SWT1: variants seen among roughly 807,000 people sequenced by gnomAD.
SWT1 encodes the protein transcriptional protein SWT1.
Under a neutral mutation model 107.3 loss-of-function variants are expected in SWT1, and 33 were observed. The observed-to-expected ratio is 0.31, with a 90% CI of 0.23 to 0.41. The LOEUF is 0.41. SWT1 is among the 10% of genes least tolerant of loss of function. The pLI is 1.00. For synonymous variants in SWT1, 345 were observed against 348.3 expected (o/e 0.99, Z 0.11); for missense variants, 898 against 1,028.9 (o/e 0.87, Z 1.74).
Position 185,251,774 on chromosome 1 carries a change from G to A in SWT1, c.2442-19549G>A, listed in dbSNP as rs188644009. On this transcript the variant is annotated intron_variant, in intron 16 of 18. Coordinates refer to ENST00000367500, the MANE Select transcript of SWT1 (RefSeq NM_017673.7). Reference sequence around the variant, plus strand: ...AGACAATTTGTTTTTTGCTTGATAAGTAAAACAATTTATATATATATATAT... The same window carrying A: ...AGACAATTTGTTTTTTGCTTGATAAATAAAACAATTTATATATATATATAT... Among the ~76,000 whole-genome samples, 139 of 150,902 alleles carry A rather than the reference G, an allele frequency of 9.2e-4. 3 individuals are homozygous for A. The highest frequency in any genetic ancestry group is 3.3e-3 in the African/African-American group (136 of 41,332).
intron 10 of SWT1, among the ~76,000 whole-genome samples, chr1:185,200,714 G>C (rs1036737280): frequency 5.3e-5 from 8 of 152,206 alleles, no homozygotes; most frequent in African/African-American, 1.9e-4. Context: ...CTCTTAGTTA[G>C]GGGGCACGAG....
chr1:185,222,259 C>G (rs960014688), intron 15 of SWT1, among the ~76,000 whole-genome samples: 1 of 151,910 alleles, frequency 6.6e-6, no homozygotes, highest in Non-Finnish European at 1.5e-5. Context: ...CAGGTTTATC[C>G]ACGTTGTCAC....
intron 16 of SWT1, among the ~76,000 whole-genome samples, chr1:185,233,162 A>G (rs771257895): frequency 1.3e-5 from 2 of 152,190 alleles, no homozygotes; most frequent in Non-Finnish European, 2.9e-5. Context: ...AAGGCTGAGC[A>G]TCACTGGCCC....
At chr1:185,194,255 C>T (rs936153731) in intron 10 of SWT1, among the ~76,000 whole-genome samples, 1 of 152,074 alleles carries the variant, frequency 6.6e-6, no homozygotes, top group Non-Finnish European at 1.5e-5. Flanking sequence ...TGTCTTTTAA[C>T]TGTTAAGTTT....
chr1:185,248,386 T>C (rs1312869351), intron 16 of SWT1, among the ~76,000 whole-genome samples: 1 of 152,212 alleles, frequency 6.6e-6, no homozygotes. Flanking sequence ...GATTTTATGA[T>C]CCAGGCCAAC....
intron 13 of SWT1, among the ~76,000 whole-genome samples, chr1:185,210,778 A>G (rs987652640): frequency 1.3e-5 from 2 of 152,160 alleles, no homozygotes; most frequent in South Asian, 4.1e-4. Flanking sequence ...AGATGACGTG[A>G]TCGATATTTG....
At chr1:185,208,609 C>A (rs372824576) in intron 13 of SWT1, among the ~76,000 whole-genome samples, 8 of 152,124 alleles carry the variant, frequency 5.3e-5, no homozygotes, top group African/African-American at 1.9e-4. Flanking sequence ...TCACATTGTA[C>A]TCCATAAATA....
intron 2 of SWT1, among the ~76,000 whole-genome samples, chr1:185,164,477 G>T (rs1467329998): frequency 6.6e-6 from 1 of 152,182 alleles, no homozygotes; most frequent in East Asian, 1.9e-4. Flanking sequence ...ATATAAGACT[G>T]TTTGTCTATG....
At chr1:185,165,474 T>G (rs1330196527) in intron 2 of SWT1, among the ~76,000 whole-genome samples, 2 of 152,230 alleles carry the variant, frequency 1.3e-5, no homozygotes, top group Non-Finnish European at 2.9e-5. Flanking sequence ...TCTCCTTTAC[T>G]GCTATGTCCA....
chr1:185,240,491 T>C (rs1445435160), intron 16 of SWT1, among the ~76,000 whole-genome samples: 1 of 152,054 alleles, frequency 6.6e-6, no homozygotes, highest in Non-Finnish European at 1.5e-5. Flanking sequence ...ATATCTCAAG[T>C]GTATATAGCT....
chr1:185,238,056 G>A (rs1012741197), intron 16 of SWT1, among the ~76,000 whole-genome samples: 2 of 151,520 alleles, frequency 1.3e-5, no homozygotes, highest in African/African-American at 2.4e-5. Context: ...GAGCAATCAC[G>A]GCTCACTGTA....
chr1:185,273,921 C>G (rs1406222592), intron 17 of SWT1, among the ~76,000 whole-genome samples: 1 of 151,990 alleles, frequency 6.6e-6, no homozygotes, highest in Non-Finnish European at 1.5e-5. Flanking sequence ...GGGAGGATCG[C>G]TTGAGGCCAG....
intron 16 of SWT1, chr1:185,257,939 G>A (rs992544912): frequency 6.6e-6 from 1 of 152,138 alleles, no homozygotes; most frequent in African/African-American, 2.4e-5. Context: ...AGCAGTGGGA[G>A]TGGAGAAAGA....
intron 16 of SWT1, among the ~76,000 whole-genome samples, chr1:185,270,160 G>A (rs1663749483): frequency 6.6e-6 from 1 of 151,998 alleles, no homozygotes; most frequent in Admixed American, 6.6e-5. Context: ...TAACAGATAA[G>A]AAGATAAATC....
At chr1:185,158,430 A>C (rs1229939437) in intron 1 of SWT1, among the ~76,000 whole-genome samples, 2 of 152,028 alleles carry the variant, frequency 1.3e-5, no homozygotes, top group African/African-American at 4.8e-5. Flanking sequence ...CAGTCAATTA[A>C]AAATGGGATA....
In SWT1 at chr1:185,276,684, A is replaced by C; in HGVS notation, c.2573+16A>C. On this transcript the variant is annotated intron_variant, in intron 18 of 18. Coordinates refer to ENST00000367500, the MANE Select transcript of SWT1 (RefSeq NM_017673.7). ...CTGAGTATAGGTAAGTCATATCTAT[A>C]TATAGATATAAACCATTGTAACAAG... The C allele has an allele frequency of 7.0e-7, 1 of 1,421,198 alleles. No individual in the cohort carries two copies. The highest frequency in any genetic ancestry group is 9.8e-7 in the Non-Finnish European group (1 of 1,020,568). 88.0% of individuals were successfully genotyped at this position (1,421,198 alleles called of 1,614,324 possible). A position where few individuals can be genotyped will look rare whatever the true frequency, so the allele number is the denominator to read the frequency against.
intron 18 of SWT1, among the ~76,000 whole-genome samples, chr1:185,282,184 A>G (rs189444287): frequency 3.3e-5 from 5 of 152,328 alleles, no homozygotes; most frequent in African/African-American, 9.6e-5. Flanking sequence ...GGTAATTTAC[A>G]AAATTGCTGA....
chr1:185,270,469 A>C (rs1243352524), intron 16 of SWT1, among the ~76,000 whole-genome samples: 1 of 152,096 alleles, frequency 6.6e-6, no homozygotes, highest in Admixed American at 6.6e-5. Flanking sequence ...TGGGAGCCTG[A>C]AGTGGGAGGA....
At chr1:185,282,484 C>G (rs1011651960) in intron 18 of SWT1, among the ~76,000 whole-genome samples, 1 of 151,158 alleles carries the variant, frequency 6.6e-6, no homozygotes, top group Admixed American at 6.6e-5. Context: ...AAGCTCCAGC[C>G]CCTTCCAACA....
Sources: gnomAD v4.1 joint callset for allele counts (sites outside exome capture counted in the v4.1 genomes callset) on GRCh38, gnomAD v4.1.1 for gene constraint, MANE v1.5 for transcripts, NCBI Gene and HGNC (gene_info 2026-07-23, HGNC 2026-07-21) for gene names.